Variants in CSMD1 observed in about 807,000 individuals in gnomAD.
The protein encoded by CSMD1 is CUB and Sushi multiple domains 1.
CSMD1 carries 213 observed loss-of-function variants against 417.5 expected under a neutral mutation model. That is an observed-to-expected ratio of 0.51 (90% CI 0.46 to 0.57). The LOEUF (loss-of-function observed/expected upper bound fraction) is 0.57. Among genes scored for constraint, CSMD1 ranks in the 20% least tolerant of loss-of-function variants. CSMD1 has a pLI of 0.00. For missense variants in CSMD1, 6,923 were observed against 4,529.7 expected (o/e 1.53, Z -15.17); for synonymous variants, 2,862 against 1,736.8 (o/e 1.65, Z -16.11).
chr8:3,335,217 C>T (rs1040419131), intron 23 of CSMD1, among the ~76,000 whole-genome samples: 13 of 152,112 alleles, frequency 8.5e-5, no homozygotes, highest in Admixed American at 3.3e-4. Context: ...CTAATGGTTC[C>T]TTTTGCCCAT....
chr8:4,497,397 A>G (rs1278686612), intron 2 of CSMD1, among the ~76,000 whole-genome samples: 2 of 152,232 alleles, frequency 1.3e-5, no homozygotes, highest in Non-Finnish European at 2.9e-5. Context: ...AATGCTGTCA[A>G]TGATTGTATT....
At chr8:3,245,728 T>C (rs1251753926) in intron 26 of CSMD1, among the ~76,000 whole-genome samples, 1 of 152,196 alleles carries the variant, frequency 6.6e-6, no homozygotes, top group African/African-American at 2.4e-5. Flanking sequence ...CCACAGATGA[T>C]CACCCCAATT....
chr8:4,436,164 G>A (rs893142661), intron 2 of CSMD1, among the ~76,000 whole-genome samples: 1 of 152,148 alleles, frequency 6.6e-6, no homozygotes, highest in African/African-American at 2.4e-5. Flanking sequence ...GAGAGAGTTA[G>A]ATTTCAGTGT....
chr8:3,814,794 G>A lies in CSMD1; in HGVS notation c.819-60752C>T, dbSNP rs1383944. On this transcript the variant is annotated intron_variant, in intron 5 of 69. Coordinates refer to ENST00000635120, the MANE Select transcript of CSMD1 (RefSeq NM_033225.6). The stretch of plus-strand genomic sequence containing the variant: ...TTCTGCCACGATTTTCTATTTATTC[G>A]TCACGGTGTGATTATTTCAAGCCAA... Among the ~76,000 whole-genome samples, 277 of 151,950 alleles carry A rather than the reference G, an allele frequency of 1.8e-3. 1 individual carries two copies. The highest frequency in any genetic ancestry group is 6.4e-3 in the African/African-American group (266 of 41,414).
intron 1 of CSMD1, among the ~76,000 whole-genome samples, chr8:4,976,745 G>A (rs73497745): frequency 0.014 from 2,204 of 152,296 alleles, 49 homozygotes; most frequent in African/African-American, 0.05. Flanking sequence ...TGCTGGAAAT[G>A]AGCTTCACTT....
At chr8:3,256,490 T>A (rs1046093385) in intron 26 of CSMD1, among the ~76,000 whole-genome samples, 1 of 152,160 alleles carries the variant, frequency 6.6e-6, no homozygotes, top group Non-Finnish European at 1.5e-5. Flanking sequence ...AGCTACTATA[T>A]CTATAGATAT....
intron 3 of CSMD1, among the ~76,000 whole-genome samples, chr8:4,215,538 C>G (rs1020462266): frequency 1.3e-5 from 2 of 151,442 alleles, no homozygotes; most frequent in East Asian, 3.9e-4. Flanking sequence ...GACCAGGATC[C>G]TTTACATTGT....
At chr8:3,995,489 A>G (rs965442851) in intron 5 of CSMD1, among the ~76,000 whole-genome samples, 1 of 152,148 alleles carries the variant, frequency 6.6e-6, no homozygotes, top group African/African-American at 2.4e-5. Context: ...AAACAGAGAA[A>G]CTCTACTTCT....
At chr8:3,984,262 A>C (rs1445904531) in intron 5 of CSMD1, among the ~76,000 whole-genome samples, 2 of 152,194 alleles carry the variant, frequency 1.3e-5, no homozygotes. Flanking sequence ...TTAACTTCAA[A>C]TGTCACATTG....
At chr8:4,730,142 A>G (rs148173833) in intron 1 of CSMD1, among the ~76,000 whole-genome samples, 1 of 152,280 alleles carries the variant, frequency 6.6e-6, no homozygotes, top group African/African-American at 2.4e-5. Flanking sequence ...ACTTGGAGAG[A>G]TTCCCAGAAT....
At chr8:4,491,933 C>A (rs1001751162) in intron 2 of CSMD1, among the ~76,000 whole-genome samples, 1 of 151,594 alleles carries the variant, frequency 6.6e-6, no homozygotes, top group East Asian at 1.9e-4. Flanking sequence ...TTTATAGCAG[C>A]TTTATTCATA....
intron 3 of CSMD1, among the ~76,000 whole-genome samples, chr8:4,333,649 G>C (rs942166438): frequency 6.6e-6 from 1 of 152,112 alleles, no homozygotes; most frequent in African/African-American, 2.4e-5. Context: ...TAGACACACT[G>C]AGAACACATC....
intron 3 of CSMD1, among the ~76,000 whole-genome samples, chr8:4,070,391 T>C (rs1253504363): frequency 5.3e-5 from 8 of 152,190 alleles, no homozygotes; most frequent in Non-Finnish European, 1.2e-4. Flanking sequence ...AGAGTCTCGC[T>C]GTGTCGCCCA....
chr8:3,723,084 G>T (rs1802280355), intron 6 of CSMD1, among the ~76,000 whole-genome samples: 1 of 152,144 alleles, frequency 6.6e-6, no homozygotes, highest in South Asian at 2.1e-4. Flanking sequence ...TCCTAAGGAA[G>T]AATCCTTTTT....
rs541427535 is a variant in CSMD1 at position 4,729,078 on chromosome 8, G to C, written c.86-91520C>G. On this transcript the variant is annotated intron_variant, in intron 1 of 69. Coordinates refer to ENST00000635120, the MANE Select transcript of CSMD1 (RefSeq NM_033225.6). ...CCTGAATATAGACAGGAAACACTTG[G>C]ATGTTCAGCCCTAAATTATTTCCAT... Among the ~76,000 whole-genome samples the C allele has an allele frequency of 5.9e-5, 9 of 152,228 alleles. No individual in the cohort carries two copies. In the East Asian group the frequency reaches 1.7e-3, roughly 29 times the overall value.
chr8:3,803,753 G>C (rs543270998), intron 5 of CSMD1, among the ~76,000 whole-genome samples: 2 of 152,116 alleles, frequency 1.3e-5, no homozygotes, highest in Non-Finnish European at 2.9e-5. Context: ...ATCTTGATTA[G>C]GGTCCTGAAG....
intron 26 of CSMD1, among the ~76,000 whole-genome samples, chr8:3,258,225 C>T (rs1800801274): frequency 6.6e-6 from 1 of 152,086 alleles, no homozygotes; most frequent in South Asian, 2.1e-4. Context: ...TATCCAGCAT[C>T]TATAAGGAAC....
chr8:3,151,463 C>T lies in CSMD1; in HGVS notation c.5965G>A (p.Gly1989Ser), dbSNP rs62490188. The T allele has an allele frequency of 2.5e-5, 41 of 1,613,620 alleles. No homozygotes were observed. Among genetic ancestry groups the T allele is most frequent in the Non-Finnish European group, 2.6e-5 (31 of 1,179,892 alleles). Reference protein sequence around the residue: ...STLGGVILSPGFPGSYPNNLD... With the variant: ...STLGGVILSPSFPGSYPNNLD... ...TTGTTGGGGTAAGAACCTGGGAAGC[C>T]GGGGCTCAGGATCACACCACCCAAG... is the stretch of plus-strand genomic sequence containing the variant. The change falls in exon 40 of 70, where the codon GGC becomes AGC. Residue 1989 changes from glycine to serine, a missense_variant. Transcript: ENST00000635120.
At chr8:3,543,098 T>A (rs962817971) in intron 10 of CSMD1, among the ~76,000 whole-genome samples, 5 of 152,098 alleles carry the variant, frequency 3.3e-5, no homozygotes, top group South Asian at 4.1e-4. Flanking sequence ...GCTTCATGCA[T>A]CGTGAGCAAA....
Sources: allele counts gnomAD v4.1 joint callset (sites outside exome capture counted in the v4.1 genomes callset), GRCh38; gene constraint gnomAD v4.1.1; transcripts MANE v1.5; gene names NCBI Gene and HGNC (gene_info 2026-07-23, HGNC 2026-07-21).